Variants in FAM53A observed in about 807,000 individuals in gnomAD.
The protein encoded by FAM53A is protein FAM53A.
A neutral mutation model predicts 26.6 loss-of-function variants in FAM53A; 28 were observed. The observed-to-expected ratio is 1.05, with a 90% CI of 0.78 to 1.45. FAM53A has a LOEUF of 1.45. FAM53A is among the 40% of genes most tolerant of loss of function. The pLI, the probability that FAM53A is intolerant of heterozygous loss-of-function variation, is 0.00. For synonymous variants in FAM53A, 290 were observed against 253.1 expected, an observed-to-expected ratio of 1.15 and a Z score of -1.38; for missense variants, 650 against 575.8, an observed-to-expected ratio of 1.13 and a Z score of -1.32.
chr4:1,633,910 TGG>T, intron 1 of FAM53A, among the ~76,000 whole-genome samples: 1 of 152,142 alleles, frequency 6.6e-6, no homozygotes, highest in Non-Finnish European at 1.5e-5. Context: ...CTGGGGGGTC[TGG>T]CTACAGGACC....
chr4:1,600,527 C>A, the FAM53A span, among the ~76,000 whole-genome samples: 4 of 152,162 alleles, frequency 2.6e-5, no homozygotes, highest in Admixed American at 2.0e-4. Context: ...TGGGACCCCA[C>A]GTGTGCACTG....
chr4:1,631,234 C>T (rs1446820727), intron 1 of FAM53A, among the ~76,000 whole-genome samples: 4 of 152,264 alleles, frequency 2.6e-5, no homozygotes, highest in Non-Finnish European at 4.4e-5. Flanking sequence ...TGGGGCTTCC[C>T]AGCAGCCTTT....
the FAM53A span, among the ~76,000 whole-genome samples, chr4:1,599,220 C>T: frequency 1.1e-5 from 1 of 91,672 alleles, no homozygotes; most frequent in Admixed American, 1.3e-4. This position sits in a 1 kb window ranked among gnomAD's most constrained non-coding sequence, Gnocchi z 6.1. Flanking sequence ...TCCAGGGTGC[C>T]GGAGCGCAGG....
the FAM53A span, among the ~76,000 whole-genome samples, chr4:1,576,458 C>T: frequency 1.3e-5 from 2 of 152,234 alleles, no homozygotes; most frequent in African/African-American, 4.8e-5. Context: ...AAACATCCTT[C>T]CCAATTTACG....
At chr4:1,642,872 T>C (rs186009441) in intron 4 of FAM53A, among the ~76,000 whole-genome samples, 1 of 152,332 alleles carries the variant, frequency 6.6e-6, no homozygotes, top group East Asian at 1.9e-4. Context: ...GGCTCAGGCT[T>C]GTGAGGGCAC....
intron 1 of FAM53A, among the ~76,000 whole-genome samples, chr4:1,669,225 T>C (rs1264955129): frequency 6.6e-6 from 1 of 152,110 alleles, no homozygotes; most frequent in Non-Finnish European, 1.5e-5. Context: ...TTCTGGAAGC[T>C]GGGAAGCTGC....
At chr4:1,632,838 G>A (rs371114124) in intron 1 of FAM53A, among the ~76,000 whole-genome samples, 1 of 152,180 alleles carries the variant, frequency 6.6e-6, no homozygotes, top group East Asian at 1.9e-4. Context: ...GCAAATACCT[G>A]TGGACACACA....
intron 4 of FAM53A, chr4:1,644,461 A>AGGCCACACGGAACTGAAGG: frequency 7.6e-7 from 1 of 1,314,852 alleles, no homozygotes; most frequent in Non-Finnish European, 1.0e-6. Context: ...GCGCTAGCGA[A>AGGCCACACGGAACTGAAGG]GGCCACACGG....
intron 1 of FAM53A, among the ~76,000 whole-genome samples, chr4:1,622,381 G>A (rs1715080908): frequency 6.6e-6 from 1 of 152,102 alleles, no homozygotes; most frequent in Non-Finnish European, 1.5e-5. Flanking sequence ...GGCTGGGGTG[G>A]GCACCTTCCC....
chr4:1,678,179 A>G (rs534783309), intron 1 of FAM53A, among the ~76,000 whole-genome samples: 1 of 152,276 alleles, frequency 6.6e-6, no homozygotes, highest in Admixed American at 6.5e-5. Context: ...ACATAGCAAG[A>G]CTCCATCTCT....
At chr4:1,619,015 C>T (rs1714916224) in intron 1 of FAM53A, among the ~76,000 whole-genome samples, 2 of 152,200 alleles carry the variant, frequency 1.3e-5, no homozygotes, top group Admixed American at 6.5e-5. Flanking sequence ...AAGGGGATGC[C>T]GCAGAGCGTC....
At chr4:1,685,975 T>C (rs145690997), upstream of FAM53A, among the ~76,000 whole-genome samples, 113 of 152,222 alleles carry the variant, frequency 7.4e-4, 1 homozygote, top group East Asian at 0.02. Context: ...TTAACTTATA[T>C]CTACCCACCC....
chr4:1,611,517 T>C, the FAM53A span, among the ~76,000 whole-genome samples: 1 of 152,174 alleles, frequency 6.6e-6, no homozygotes, highest in African/African-American at 2.4e-5. Context: ...GAGGTGCCCC[T>C]GGTGCACAAG....
At chr4:1,615,200 AC>A (rs1714762236), downstream of FAM53A, among the ~76,000 whole-genome samples, 1 of 151,066 alleles carries the variant, frequency 6.6e-6, no homozygotes, top group Non-Finnish European at 1.5e-5. Flanking sequence ...TTGGGCACAC[AC>A]ACGGAAAACA....
intron 4 of FAM53A, among the ~76,000 whole-genome samples, chr4:1,648,646 C>T (rs914450450): frequency 6.6e-6 from 1 of 152,210 alleles, no homozygotes; most frequent in South Asian, 2.1e-4. Flanking sequence ...GCAAGCAGAC[C>T]AAAGCGGCTG....
Position 1,625,605 on chromosome 4 carries a change from T to TA in FAM53A, c.432-7495_432-7494insT, listed in dbSNP as rs1447882326. 6.2e-5 allele frequency among the ~76,000 whole-genome samples: 5 copies of TA among 80,070 alleles called. 1 individual carries two copies. The highest frequency in any genetic ancestry group is 1.2e-4 in the Admixed American group (1 of 8,302). The allele number at this position is 80,070 out of a possible 152,430, so 52.5% of individuals were successfully genotyped here. On this transcript the variant is annotated intron_variant, in intron 1 of 1. Coordinates refer to the FAM53A transcript ENST00000489029. ...CGCCAGGTGATCAGAAGCCCCCATG[T>TA]CCCGACCCACGTGGTCAGGGTCACG...
At chr4:1,618,199 G>C in intron 1 of FAM53A, 1 of 455,322 alleles carries the variant, frequency 2.2e-6, no homozygotes, top group South Asian at 1.6e-5. Context: ...CGCAGAGACA[G>C]TGAGGCTGGC....
rs1577128596 is a variant in FAM53A, at chr4:1,657,296, C to G, written c.136+112G>C. On this transcript the variant is annotated intron_variant, in intron 3 of 4. Coordinates refer to ENST00000308132, the MANE Select transcript of FAM53A (RefSeq NM_001174070.3). ...GCCCCAGTGCAGGGCACACGAACACCTTCCTGGGCTTCTGCAGATCCGGCT... is the reference window on the plus strand; with the variant it reads ...GCCCCAGTGCAGGGCACACGAACACGTTCCTGGGCTTCTGCAGATCCGGCT... 3.3e-5 allele frequency: 33 copies of G among 1,000,254 alleles called. No individual in the cohort carries two copies. The East Asian group carries it at 8.5e-4, about 26-fold the overall frequency. The allele number at this position is 1,000,254 out of a possible 1,614,324, so 62.0% of individuals were successfully genotyped here. A position where few individuals can be genotyped will look rare whatever the true frequency, so the allele number is the denominator to read the frequency against.
intron 1 of FAM53A, among the ~76,000 whole-genome samples, chr4:1,633,343 C>T (rs1715695510): frequency 6.6e-6 from 1 of 152,180 alleles, no homozygotes; most frequent in Admixed American, 6.5e-5. Context: ...TAAACAACTC[C>T]TGGGTCAGAG....
Sources: allele counts gnomAD v4.1 joint callset (sites outside exome capture counted in the v4.1 genomes callset), GRCh38; gene constraint gnomAD v4.1.1; non-coding constraint Gnocchi (gnomAD v3.1); transcripts MANE v1.5; gene names NCBI Gene and HGNC (gene_info 2026-07-23, HGNC 2026-07-21).